The following COG4 variants were observed in gnomAD, a reference collection of about 807,000 sequenced individuals.
The protein encoded by COG4 is component of oligomeric golgi complex 4.
Under a neutral mutation model 95.1 loss-of-function variants are expected in COG4, and 65 were observed. That is an observed-to-expected ratio of 0.68 (90% confidence interval 0.56 to 0.84). COG4 has a LOEUF of 0.84. COG4 is among the 40% of genes least tolerant of loss of function. The pLI is 0.00. For missense variants in COG4, 1,045 were observed against 989.1 expected, an observed-to-expected ratio of 1.06 and a Z score of -0.76; for synonymous variants, 421 against 374.8, an observed-to-expected ratio of 1.12 and a Z score of -1.42.
Position 70,496,374 on chromosome 16 carries a change from G to T in COG4, c.1539C>A (p.Ile513=), listed in dbSNP as rs2049339845. Residue 513 remains isoleucine (I), a synonymous_variant, in exon 12 of 19, where the codon ATC becomes ATA. Coordinates refer to ENST00000323786, the MANE Select transcript of COG4 (RefSeq NM_015386.3). ...TCACGGCACTTGTCACCCCGCGCTG[G>T]ATGTCCTGGAAGGTGGTGGCAGGAA... is the stretch of plus-strand genomic sequence containing the variant. ...MGFPATTFQD[I]QRGVTSAVNI... The T allele has an allele frequency of 6.2e-7, 1 of 1,614,174 alleles. No homozygotes were observed. The highest frequency in any genetic ancestry group is 8.5e-7 in the Non-Finnish European group (1 of 1,180,036).
rs200185482 is a variant in COG4, at chr16:70,512,429, C to G, written c.548G>C (p.Ser183Thr). The change falls in exon 5 of 19, where the codon AGC becomes ACC. Residue 183 changes from serine (S) to threonine (T), a missense_variant. By Grantham distance (58) the Ser-to-Thr change is moderately conservative. Coordinates refer to ENST00000323786, the MANE Select transcript of COG4 (RefSeq NM_015386.3). ...IELSRQGKEGSMIDANLKLLQ... is the reference protein window; with the variant it reads ...IELSRQGKEGTMIDANLKLLQ... The stretch of plus-strand genomic sequence containing the variant: ...CAATTTCAGGTTGGCATCAATCATG[C>G]TCCCTGCTCAACAGGGAGAAAATGA... 1.9e-6 allele frequency: 3 copies of G among 1,613,488 alleles called. No individual in the cohort carries two copies. The African/African-American group carries it at 4.0e-5, about 22-fold the overall frequency.
chr16:70,522,112 C>CT (rs1199711535), intron 1 of COG4, among the ~76,000 whole-genome samples: 2 of 151,812 alleles, frequency 1.3e-5, no homozygotes, highest in Admixed American at 6.6e-5. Context: ...ATTCTCCTGC[C>CT]TCAGCCTCCC....
intron 9 of COG4, among the ~76,000 whole-genome samples, chr16:70,499,990 TATTTA>T (rs1305684620): frequency 2.0e-5 from 3 of 151,812 alleles, no homozygotes; most frequent in East Asian, 3.9e-4. Flanking sequence ...TATCTTTTAT[TATTTA>T]ATTTAATTTA....
In COG4 at chr16:70,497,356, TG is replaced by T; in HGVS notation, c.1345del (p.Gln449SerfsTer2). On this transcript the variant is annotated frameshift_variant, in exon 11 of 19. Coordinates refer to ENST00000323786, the MANE Select transcript of COG4 (RefSeq NM_015386.3). LOFTEE classifies it high-confidence loss of function. Reference protein sequence around the residue: ...AVALDTYEKGQLTSSMVDDVF... With the variant: ...AVALDTYEKGXLTSSMVDDVF... ...ATCATCCACCATGCTGGATGTCAGCTGGCCCTTCTCATAGGTGTCCAGAGCC... is the reference window on the plus strand; with the variant it reads ...ATCATCCACCATGCTGGATGTCAGCTGCCCTTCTCATAGGTGTCCAGAGCC... 1 of 1,613,914 alleles carries T rather than the reference TG, an allele frequency of 6.2e-7. No individual in the cohort carries two copies. Among genetic ancestry groups the T allele is most frequent in the Non-Finnish European group, 8.5e-7 (1 of 1,180,032 alleles).
chr16:70,515,098 C>G (rs2049795528), intron 3 of COG4, among the ~76,000 whole-genome samples: 1 of 151,716 alleles, frequency 6.6e-6, no homozygotes, highest in African/African-American at 2.4e-5. Flanking sequence ...TCACTGCAAC[C>G]TCTGCCTCCT....
At chr16:70,495,750 T>C (rs1432925573) in intron 12 of COG4, among the ~76,000 whole-genome samples, 1 of 152,228 alleles carries the variant, frequency 6.6e-6, no homozygotes, top group African/African-American at 2.4e-5. Context: ...TGTCACACAA[T>C]GGAAGGCTTG....
Position 70,512,366 on chromosome 16 carries a change from G to C in COG4, c.611C>G (p.Ala204Gly), listed in dbSNP as rs1342293799. ...CTTGGTGGCAATGGCAAACTTCTCT[G>C]CCACAATGGCTTTGAGACGTTGCTC... ...EAEQRLKAIV[A>G]EKFAIATKEG... is the part of the protein sequence containing the mutation. Residue 204 changes from alanine to glycine, a missense_variant, in exon 5 of 19, where the codon GCA (alanine) becomes GGA (glycine). Coordinates refer to ENST00000323786, the MANE Select transcript of COG4 (RefSeq NM_015386.3). 3 of 1,614,034 alleles carry C rather than the reference G, an allele frequency of 1.9e-6. No individual in the cohort carries two copies. The highest frequency in any genetic ancestry group is 2.5e-6 in the Non-Finnish European group (3 of 1,180,032).
intron 3 of COG4, 130 bp downstream of exon 3, chr16:70,517,496 G>A: frequency 1.5e-6 from 1 of 649,182 alleles, no homozygotes; most frequent in South Asian, 1.8e-5. Flanking sequence ...GCTGAGGTGG[G>A]AGAATTGCTT....
At chr16:70,501,869 G>A (rs2151752568) in intron 8 of COG4, among the ~76,000 whole-genome samples, 1 of 145,380 alleles carries the variant, frequency 6.9e-6, no homozygotes, top group Non-Finnish European at 1.5e-5. Flanking sequence ...TTGGGATTTT[G>A]CCATGTTGGC....
chr16:70,497,858 G>A, intron 10 of COG4, 79 bp downstream of exon 10: 2 of 853,410 alleles, frequency 2.3e-6, no homozygotes, highest in East Asian at 2.4e-5. Flanking sequence ...CAATAAATAT[G>A]ACATGCCTCA....
At chr16:70,484,971 T>TA (rs1002649233) in intron 13 of COG4, among the ~76,000 whole-genome samples, 2 of 151,886 alleles carry the variant, frequency 1.3e-5, no homozygotes, top group African/African-American at 2.4e-5. Context: ...TTGACCTTCA[T>TA]AAAAAAAAGT....
intron 1 of COG4, among the ~76,000 whole-genome samples, chr16:70,522,019 C>A (rs1208276882): frequency 7.1e-6 from 1 of 141,758 alleles, no homozygotes; most frequent in Non-Finnish European, 1.5e-5. Flanking sequence ...TTTTAAGAGA[C>A]ACAATTTTGC....
At chr16:70,497,481 T>C in intron 10 of COG4, 94 bp from the exon 11 acceptor site, 5 of 1,190,118 alleles carry the variant, frequency 4.2e-6, no homozygotes, top group East Asian at 4.7e-5. Context: ...CTGCTCCCTT[T>C]TCTGTACCTT....
rs1411428838 is a variant in COG4 at position 70,512,389 on chromosome 16, C to T, written c.588G>A (p.Glu196=). The T allele has an allele frequency of 2.5e-6, 4 of 1,614,160 alleles. No individual in the cohort carries two copies. The highest frequency in any genetic ancestry group is 1.7e-5 in the Admixed American group (1 of 60,012). The change falls in exon 5 of 19, where the codon GAG becomes GAA. Residue 196 remains glutamate (E), a synonymous_variant. Coordinates refer to ENST00000323786, the MANE Select transcript of COG4 (RefSeq NM_015386.3). The stretch of plus-strand genomic sequence containing the variant: ...CTGCCACAATGGCTTTGAGACGTTG[C>T]TCAGCTTCCTGCAGCAATTTCAGGT... ...DANLKLLQEA[E]QRLKAIVAEK...
chr16:70,500,452 C>T (rs1053658686), intron 9 of COG4, among the ~76,000 whole-genome samples: 3 of 147,428 alleles, frequency 2.0e-5, no homozygotes, highest in African/African-American at 7.9e-5. Context: ...CTATGCCCCC[C>T]AGGGTTCAAG....
At chr16:70,508,364 A>T in intron 8 of COG4, 42 bp downstream of exon 8, 1 of 1,543,666 alleles carries the variant, frequency 6.5e-7, no homozygotes, top group Non-Finnish European at 9.0e-7. Context: ...ATGATTACCA[A>T]TTCAAACTCC....
At chr16:70,516,331 C>CT (rs2049822346) in intron 3 of COG4, among the ~76,000 whole-genome samples, 2 of 150,324 alleles carry the variant, frequency 1.3e-5, no homozygotes, top group African/African-American at 4.9e-5. Flanking sequence ...CAGAATCTCT[C>CT]TGTCGCCCAG....
chr16:70,505,121 T>C (rs2049534155), intron 8 of COG4, among the ~76,000 whole-genome samples: 1 of 152,028 alleles, frequency 6.6e-6, no homozygotes, highest in Admixed American at 6.6e-5. Flanking sequence ...CTTGTTGCCA[T>C]ATCAAGGACT....
rs147136310 is a variant in COG4 at position 70,514,658 on chromosome 16, T to C, written c.370-149A>G. 2,563 of 706,210 alleles carry C rather than the reference T, an allele frequency of 3.6e-3. 18 individuals carry two copies. Among genetic ancestry groups the C allele is most frequent in the Middle Eastern group, 0.011 (31 of 2,708 alleles). The allele number at this position is 706,210 out of a possible 1,614,324, so 43.7% of individuals were successfully genotyped here. A position where few individuals can be genotyped will look rare whatever the true frequency, so the allele number is the denominator to read the frequency against. On this transcript the variant is annotated intron_variant, in intron 3 of 18. Transcript: ENST00000323786. ...ACCACTACTGTTAACGCAACTGTTA[T>C]TGATGATGATCAAGACCATTGACAG... is the stretch of plus-strand genomic sequence containing the variant.
Sources: gnomAD v4.1 joint callset for allele counts (sites outside exome capture counted in the v4.1 genomes callset) on GRCh38, gnomAD v4.1.1 for gene constraint, MANE v1.5 for transcripts, NCBI Gene and HGNC (gene_info 2026-07-23, HGNC 2026-07-21) for gene names.